OR2L13: variants seen among roughly 807,000 people sequenced by gnomAD.
The protein encoded by OR2L13 is olfactory receptor 2L13.
Under a neutral mutation model 15.3 loss-of-function variants are expected in OR2L13, and 14 were observed. That is an observed-to-expected ratio of 0.91 (90% CI 0.60 to 1.43). OR2L13 has a LOEUF of 1.43. Among genes scored for constraint, OR2L13 ranks in the 40% most tolerant of loss-of-function variants. The pLI is 0.00. For missense variants in OR2L13, 367 were observed against 387.9 expected (o/e 0.95, Z 0.45); for synonymous variants, 152 against 142.9 (o/e 1.06, Z -0.45).
At chr1:248,076,278 C>G in the OR2L13 span, among the ~76,000 whole-genome samples, 2 of 152,078 alleles carry the variant, frequency 1.3e-5, no homozygotes, top group Admixed American at 1.3e-4. Flanking sequence ...AGTCAGGTAG[C>G]GTGATGCCTC....
the OR2L13 span, chr1:248,030,309 G>T: frequency 1.4e-4 from 22 of 152,232 alleles, no homozygotes; most frequent in African/African-American, 5.3e-4. Flanking sequence ...TGCTTAAGAG[G>T]ACTTTGTTTC....
chr1:248,043,485 A>C, the OR2L13 span, among the ~76,000 whole-genome samples: 1 of 152,188 alleles, frequency 6.6e-6, no homozygotes, highest in African/African-American at 2.4e-5. Flanking sequence ...GGAGAAGAAA[A>C]GAGTAGACAT....
At chr1:248,022,785 C>G in the OR2L13 span, 1 of 1,613,972 alleles carries the variant, frequency 6.2e-7, no homozygotes, top group Non-Finnish European at 8.5e-7. Context: ...CTACACCATC[C>G]TCACCCCAAT....
At chr1:248,033,445 A>AT in the OR2L13 span, among the ~76,000 whole-genome samples, 280 of 148,088 alleles carry the variant, frequency 1.9e-3, 1 homozygote, top group Non-Finnish European at 3.3e-3. Context: ...CTTCTCCTTC[A>AT]TTTTTTTTTG....
At chr1:248,028,020 AGTCTCAG>A in the OR2L13 span, among the ~76,000 whole-genome samples, 1 of 151,688 alleles carries the variant, frequency 6.6e-6, no homozygotes, top group Non-Finnish European at 1.5e-5. Context: ...GGGTGCCTTT[AGTCTCAG>A]CTACTCAGGA....
the OR2L13 span, among the ~76,000 whole-genome samples, chr1:247,957,034 A>G: frequency 3.9e-5 from 6 of 152,112 alleles, no homozygotes; most frequent in African/African-American, 7.2e-5. Flanking sequence ...GTTTTCAAAG[A>G]GAATGCTTCC....
chr1:247,937,579 G>A, the OR2L13 span: 2 of 162,582 alleles, frequency 1.2e-5, no homozygotes. Context: ...TCAGGGATGG[G>A]GCTGGCTCTG....
At chr1:248,041,010 C>G in the OR2L13 span, 1 of 152,192 alleles carries the variant, frequency 6.6e-6, no homozygotes, top group South Asian at 2.1e-4. Flanking sequence ...TTCTTCTCCT[C>G]TAATTTAAAT....
chr1:248,074,553 C>T, the OR2L13 span, among the ~76,000 whole-genome samples: 4 of 152,074 alleles, frequency 2.6e-5, no homozygotes, highest in Admixed American at 6.6e-5. Flanking sequence ...ACACCAACAA[C>T]GTTCAAGCTG....
chr1:247,972,101 C>G, the OR2L13 span, among the ~76,000 whole-genome samples: 2 of 152,126 alleles, frequency 1.3e-5, no homozygotes, highest in African/African-American at 4.8e-5. Flanking sequence ...ACCAGAAGAT[C>G]TGGGACACAG....
At chr1:248,091,128 G>A (rs1664587704), upstream of OR2L13, among the ~76,000 whole-genome samples, 1 of 151,936 alleles carries the variant, frequency 6.6e-6, no homozygotes, top group African/African-American at 2.4e-5. Context: ...CTTTTTAATG[G>A]AGCTGTTTGT....
At chr1:248,088,289 G>A in the OR2L13 span, among the ~76,000 whole-genome samples, 6 of 151,692 alleles carry the variant, frequency 4.0e-5, no homozygotes, top group Non-Finnish European at 8.8e-5. Flanking sequence ...GGTGAATTTC[G>A]ACTATTTTGA....
chr1:247,964,212 T>A, the OR2L13 span, among the ~76,000 whole-genome samples: 1 of 152,208 alleles, frequency 6.6e-6, no homozygotes, highest in Non-Finnish European at 1.5e-5. Flanking sequence ...TCTCTCATTT[T>A]TATTGACATA....
the OR2L13 span, chr1:247,965,187 C>T: frequency 1.7e-6 from 1 of 595,062 alleles, no homozygotes; most frequent in Non-Finnish European, 2.8e-6. Flanking sequence ...ATCCCAGTAA[C>T]AGTATGCGAG....
chr1:248,091,941 A>G (rs1245193084), upstream of OR2L13, among the ~76,000 whole-genome samples: 1 of 152,038 alleles, frequency 6.6e-6, no homozygotes, highest in African/African-American at 2.4e-5. Flanking sequence ...AAGTTTTTCT[A>G]TTTGTTGGTG....
At chr1:248,034,580 C>A in the OR2L13 span, among the ~76,000 whole-genome samples, 1 of 152,174 alleles carries the variant, frequency 6.6e-6, no homozygotes, top group Non-Finnish European at 1.5e-5. Context: ...GACATCTTAA[C>A]AGTGTTAAGC....
chr1:248,031,138 C>A, the OR2L13 span, among the ~76,000 whole-genome samples: 3 of 152,116 alleles, frequency 2.0e-5, no homozygotes, highest in Non-Finnish European at 4.4e-5. Flanking sequence ...AAAAAATGTC[C>A]TCTTCACATT....
the OR2L13 span, among the ~76,000 whole-genome samples, chr1:247,956,892 A>T: frequency 1.3e-5 from 2 of 152,188 alleles, no homozygotes; most frequent in Non-Finnish European, 2.9e-5. Flanking sequence ...ATCTGCAAAC[A>T]GGGACAATTT....
the OR2L13 span, among the ~76,000 whole-genome samples, chr1:248,078,587 G>C: frequency 6.6e-6 from 1 of 152,050 alleles, no homozygotes; most frequent in Non-Finnish European, 1.5e-5. Flanking sequence ...GGATGGCAGT[G>C]ATTCGTTTTA....
Sources: gnomAD v4.1 joint callset for allele counts (sites outside exome capture counted in the v4.1 genomes callset) on GRCh38, gnomAD v4.1.1 for gene constraint, MANE v1.5 for transcripts, NCBI Gene and HGNC (gene_info 2026-07-23, HGNC 2026-07-21) for gene names.